Variants in DENND5B observed in about 807,000 individuals in gnomAD.
DENND5B encodes the protein DENN domain containing 5B.
Under a neutral mutation model 140.6 loss-of-function variants are expected in DENND5B, and 34 were observed. The observed-to-expected ratio is 0.24, with a 90% confidence interval of 0.18 to 0.32. The LOEUF (loss-of-function observed/expected upper bound fraction) is 0.32, where lower values mean the gene tolerates loss of function less well. Ranked by LOEUF, DENND5B falls within the 10% of genes least tolerant of loss-of-function variation. The probability of loss-of-function intolerance (pLI) is 1.00; values close to 1 mark genes in which losing one functional copy is unlikely to be tolerated. For missense variants in DENND5B, 1,142 were observed against 1,560.2 expected, an observed-to-expected ratio of 0.73 and a Z score of 4.52; for synonymous variants, 551 against 562.1, an observed-to-expected ratio of 0.98 and a Z score of 0.28.
intron 1 of DENND5B, among the ~76,000 whole-genome samples, chr12:31,550,796 T>G (rs994983434): frequency 1.3e-5 from 2 of 152,232 alleles, no homozygotes; most frequent in African/African-American, 2.4e-5. Context: ...GGTTTTGATT[T>G]GCATTTCTCT....
chr12:31,588,017 C>T (rs578166958), intron 1 of DENND5B, among the ~76,000 whole-genome samples: 2 of 152,274 alleles, frequency 1.3e-5, no homozygotes, highest in African/African-American at 4.8e-5. Flanking sequence ...AGTTAAAAGC[C>T]TAAAAACTGC....
At chr12:31,524,032 T>C (rs992242625) in intron 1 of DENND5B, among the ~76,000 whole-genome samples, 2 of 149,014 alleles carry the variant, frequency 1.3e-5, no homozygotes, top group Non-Finnish European at 3.0e-5. Flanking sequence ...AAGTGAAAAC[T>C]ACTGAGCCCT....
At chr12:31,390,339 TTTAAA>T (rs1941062457) in intron 19 of DENND5B, among the ~76,000 whole-genome samples, 1 of 152,332 alleles carries the variant, frequency 6.6e-6, no homozygotes, top group African/African-American at 2.4e-5. Context: ...TTACATTTGA[TTTAAA>T]TTAAATAGAT....
chr12:31,477,164 GT>G (rs1406462448), intron 3 of DENND5B, among the ~76,000 whole-genome samples: 1 of 151,578 alleles, frequency 6.6e-6, no homozygotes, highest in Non-Finnish European at 1.5e-5. Context: ...GGAGGCGGTG[GT>G]TGCAGTGAGC....
intron 5 of DENND5B, among the ~76,000 whole-genome samples, chr12:31,448,995 T>G (rs1944395315): frequency 1.3e-5 from 2 of 152,258 alleles, no homozygotes; most frequent in Non-Finnish European, 1.5e-5. Flanking sequence ...CAGTTCCTAA[T>G]TAAAAGTGTC....
rs533197671 is a variant in DENND5B, at chr12:31,426,157, A to G, written c.2238+136T>C. On this transcript the variant is annotated intron_variant, in intron 9 of 20. Transcript: ENST00000389082. ...GGTTCAATACCCGAGTAAAGAGCAC[A>G]TGAGGTCAATGCCACAGTAAAAGTT... is the stretch of plus-strand genomic sequence containing the variant. 3.1e-6 allele frequency: 3 copies of G among 969,940 alleles called. No individual in the cohort carries two copies. In the South Asian group the frequency reaches 5.6e-5, roughly 18 times the overall value. 60.1% of individuals were successfully genotyped at this position (969,940 alleles called of 1,614,324 possible). A position where few individuals can be genotyped will look rare whatever the true frequency, so the allele number is the denominator to read the frequency against.
intron 11 of DENND5B, among the ~76,000 whole-genome samples, chr12:31,417,151 T>A (rs1942791032): frequency 6.7e-6 from 1 of 149,490 alleles, no homozygotes; most frequent in African/African-American, 2.5e-5. Flanking sequence ...GGTCAGGAGA[T>A]CGAGACCACC....
intron 17 of DENND5B, among the ~76,000 whole-genome samples, chr12:31,397,782 GGTGTGATGTTGT>G (rs1365965910): frequency 7.4e-5 from 11 of 149,204 alleles, no homozygotes; most frequent in Admixed American, 6.3e-4. Context: ...AAATTAGCCA[GGTGTGATGTTGT>G]GTGCCTGTAG....
intron 2 of DENND5B, among the ~76,000 whole-genome samples, chr12:31,483,744 T>C (rs549232878): frequency 3.7e-4 from 57 of 152,158 alleles, no homozygotes; most frequent in African/African-American, 1.3e-3. Flanking sequence ...GGACCATCAT[T>C]TTAATGGGCA....
intron 19 of DENND5B, 73 bp downstream of exon 19, chr12:31,392,194 C>CA: frequency 6.5e-7 from 1 of 1,548,984 alleles, no homozygotes; most frequent in Non-Finnish European, 8.8e-7. Context: ...CTTATTCACT[C>CA]AGATTCCTGG....
At chr12:31,543,192 A>C (rs1254273018) in intron 1 of DENND5B, among the ~76,000 whole-genome samples, 1 of 152,134 alleles carries the variant, frequency 6.6e-6, no homozygotes, top group East Asian at 1.9e-4. Context: ...TTGGTGACAA[A>C]GTGAGACTTT....
rs188776553 is a variant in DENND5B, at chr12:31,449,694, A to G, written c.1630-1925T>C. ...GGGCTTGATTTAGGTAAGAATTTGAATTGTCCCAAGGATAAACCATGGATA... is the reference window on the plus strand; with the variant it reads ...GGGCTTGATTTAGGTAAGAATTTGAGTTGTCCCAAGGATAAACCATGGATA... On this transcript the variant is annotated intron_variant, in intron 5 of 20. Transcript: ENST00000389082. Among the ~76,000 whole-genome samples the G allele has an allele frequency of 4.1e-3, 619 of 150,618 alleles. 4 individuals carry two copies. Among genetic ancestry groups the G allele is most frequent in the African/African-American group, 0.014 (563 of 41,092 alleles).
At chr12:31,583,964 C>T (rs1257159626) in intron 1 of DENND5B, among the ~76,000 whole-genome samples, 1 of 152,156 alleles carries the variant, frequency 6.6e-6, no homozygotes, top group Non-Finnish European at 1.5e-5. Context: ...GGCACGTTTC[C>T]TAAAGCATCC....
chr12:31,538,673 C>A (rs1403019750), intron 1 of DENND5B, among the ~76,000 whole-genome samples: 14 of 152,036 alleles, frequency 9.2e-5, no homozygotes, highest in Admixed American at 9.2e-4. Flanking sequence ...TCAAGACAAG[C>A]CTGGACAACT....
intron 15 of DENND5B, among the ~76,000 whole-genome samples, chr12:31,400,405 TC>T (rs1241605056): frequency 6.6e-6 from 1 of 152,210 alleles, no homozygotes; most frequent in Non-Finnish European, 1.5e-5. Context: ...TCTTCACTGG[TC>T]CTTTGTGGAC....
intron 1 of DENND5B, among the ~76,000 whole-genome samples, chr12:31,517,407 GCTGTTTGC>G (rs1246447176): frequency 6.6e-6 from 1 of 152,192 alleles, no homozygotes; most frequent in African/African-American, 2.4e-5. Context: ...TTCTGTATTG[GCTGTTTGC>G]TGCCTTTGTC....
chr12:31,410,055 CTT>C (rs776700036), intron 13 of DENND5B, among the ~76,000 whole-genome samples: 99 of 152,280 alleles, frequency 6.5e-4, no homozygotes, highest in Non-Finnish European at 1.1e-3. Context: ...TAATAAAACA[CTT>C]TTAACCTAAT....
intron 1 of DENND5B, among the ~76,000 whole-genome samples, chr12:31,523,389 G>C (rs1338480343): frequency 6.6e-6 from 1 of 152,038 alleles, no homozygotes; most frequent in Admixed American, 6.6e-5. Context: ...GAAGATTTAG[G>C]GGGCTGGCAG....
intron 1 of DENND5B, among the ~76,000 whole-genome samples, chr12:31,532,545 C>T (rs955387025): frequency 2.0e-5 from 3 of 151,990 alleles, no homozygotes; most frequent in African/African-American, 7.3e-5. Flanking sequence ...GGAGAATGGT[C>T]AGGATAGACC....
Sources: allele counts gnomAD v4.1 joint callset (sites outside exome capture counted in the v4.1 genomes callset), GRCh38; gene constraint gnomAD v4.1.1; transcripts MANE v1.5; gene names NCBI Gene and HGNC (gene_info 2026-07-23, HGNC 2026-07-21).